The following MPP7 variants were observed in gnomAD, a reference collection of about 807,000 sequenced individuals.
The protein encoded by MPP7 is MAGUK p55 subfamily member 7.
Under a neutral mutation model 76.5 loss-of-function variants are expected in MPP7, and 60 were observed. That is an observed-to-expected ratio of 0.78 (90% confidence interval 0.64 to 0.97). MPP7 has a LOEUF of 0.97. MPP7 is among the 50% of genes least tolerant of loss of function. MPP7 has a pLI of 0.00. For synonymous variants in MPP7, 237 were observed against 244.5 expected, an observed-to-expected ratio of 0.97 and a Z score of 0.29; for missense variants, 641 against 694.0, an observed-to-expected ratio of 0.92 and a Z score of 0.86.
chr10:28,087,257 A>G (rs1462730343), intron 12 of MPP7, among the ~76,000 whole-genome samples: 1 of 152,230 alleles, frequency 6.6e-6, no homozygotes, highest in Non-Finnish European at 1.5e-5. Flanking sequence ...AAGTCAAAGC[A>G]GCATGAGGCC....
At chr10:28,145,840 T>G (rs1835686326) in intron 5 of MPP7, among the ~76,000 whole-genome samples, 1 of 152,168 alleles carries the variant, frequency 6.6e-6, no homozygotes, top group South Asian at 2.1e-4. Context: ...ATTTAACTAA[T>G]TATTATAAAA....
At chr10:28,222,555 AT>A (rs1838546329) in intron 2 of MPP7, among the ~76,000 whole-genome samples, 1 of 151,994 alleles carries the variant, frequency 6.6e-6, no homozygotes, top group Admixed American at 6.6e-5. Context: ...GAATATTACA[AT>A]TTTTAAAACC....
intron 1 of MPP7, among the ~76,000 whole-genome samples, chr10:28,294,396 T>A (rs1269856350): frequency 2.0e-5 from 3 of 152,202 alleles, no homozygotes; most frequent in Non-Finnish European, 2.9e-5. Context: ...GTACTTCCTG[T>A]CATTCAGCTC....
chr10:28,086,713 A>T (rs1045656292), intron 12 of MPP7, among the ~76,000 whole-genome samples: 10 of 152,150 alleles, frequency 6.6e-5, no homozygotes, highest in Admixed American at 5.2e-4. Flanking sequence ...AGTTTTGAGG[A>T]GGCTGATTAA....
intron 12 of MPP7, among the ~76,000 whole-genome samples, chr10:28,076,324 T>C (rs995491301): frequency 2.0e-5 from 3 of 152,164 alleles, no homozygotes; most frequent in African/African-American, 7.2e-5. Context: ...GCGAAAGACA[T>C]AAGTGCTTAT....
At chr10:28,161,788 C>CA (rs1313804715) in intron 3 of MPP7, among the ~76,000 whole-genome samples, 1 of 152,118 alleles carries the variant, frequency 6.6e-6, no homozygotes, top group African/African-American at 2.4e-5. Context: ...AATTCTAATT[C>CA]AAATAGATTC....
chr10:28,083,134 T>G (rs940164245), intron 12 of MPP7, among the ~76,000 whole-genome samples: 1 of 152,196 alleles, frequency 6.6e-6, no homozygotes, highest in South Asian at 2.1e-4. Flanking sequence ...TCTCTCATCT[T>G]CTATATTATC....
At chr10:28,271,351 C>T (rs1176001988) in intron 1 of MPP7, among the ~76,000 whole-genome samples, 4 of 152,130 alleles carry the variant, frequency 2.6e-5, no homozygotes, top group African/African-American at 7.2e-5. Flanking sequence ...GGAGTATTAG[C>T]CATTGCAACA....
chr10:28,312,424 C>T (rs940321792), intron 2 of MPP7, among the ~76,000 whole-genome samples: 2 of 152,146 alleles, frequency 1.3e-5, no homozygotes, highest in Non-Finnish European at 2.9e-5. Flanking sequence ...ATCCTAGCTA[C>T]AGGGTGCTGA....
At chr10:28,175,520 T>TTA (rs1171784034) in intron 3 of MPP7, among the ~76,000 whole-genome samples, 5 of 152,128 alleles carry the variant, frequency 3.3e-5, no homozygotes, top group Admixed American at 1.3e-4. Context: ...GGAAAACTGA[T>TTA]ACTAAACAGT....
chr10:28,091,381 G>A (rs1853294450), intron 11 of MPP7, among the ~76,000 whole-genome samples: 1 of 150,270 alleles, frequency 6.7e-6, no homozygotes, highest in Admixed American at 6.7e-5. Context: ...TCCGCCTCCT[G>A]GGTTGAAGTG....
intron 13 of MPP7, among the ~76,000 whole-genome samples, chr10:28,064,497 A>G (rs1464259128): frequency 6.6e-6 from 1 of 152,212 alleles, no homozygotes; most frequent in East Asian, 1.9e-4. Context: ...TTTGAGATGG[A>G]AACATTCATT....
intron 11 of MPP7, among the ~76,000 whole-genome samples, chr10:28,116,966 CTAGAGCTCTAGCACAAATA>C (rs1241110927): frequency 6.6e-6 from 1 of 152,030 alleles, no homozygotes; most frequent in East Asian, 1.9e-4. Flanking sequence ...GAGCCAAGAA[CTAGAGCTCTAGCACAAATA>C]TAAGTGCAAA....
At chr10:28,063,971 G>A (rs1851895025) in intron 13 of MPP7, among the ~76,000 whole-genome samples, 1 of 152,178 alleles carries the variant, frequency 6.6e-6, no homozygotes, top group South Asian at 2.1e-4. Flanking sequence ...AGCACCTGGA[G>A]CTCACATACG....
intron 3 of MPP7, among the ~76,000 whole-genome samples, chr10:28,155,561 A>G (rs2997202): frequency 0.7 from 102,953 of 147,868 alleles, 37,029 homozygotes; most frequent in Middle Eastern, 0.83. Flanking sequence ...TTGTGCCACC[A>G]CACTCCAGCC....
chr10:28,127,273 T>G (rs1835046737), intron 6 of MPP7, among the ~76,000 whole-genome samples: 1 of 152,196 alleles, frequency 6.6e-6, no homozygotes, highest in African/African-American at 2.4e-5. Flanking sequence ...CAAGGCACCG[T>G]TCTAAGGGCT....
At chr10:28,089,305 C>T (rs2133446169) in intron 12 of MPP7, among the ~76,000 whole-genome samples, 1 of 152,258 alleles carries the variant, frequency 6.6e-6, no homozygotes. Flanking sequence ...GGTCTAAATG[C>T]CATCTGAAGC....
intron 2 of MPP7, among the ~76,000 whole-genome samples, chr10:28,225,431 G>C (rs572510651): frequency 6.6e-6 from 1 of 152,280 alleles, no homozygotes; most frequent in South Asian, 2.1e-4. Context: ...AATGTGGTAA[G>C]TGTTTAATAT....
intron 1 of MPP7, among the ~76,000 whole-genome samples, chr10:28,284,612 T>C (rs1296860766): frequency 6.6e-6 from 1 of 152,202 alleles, no homozygotes. Flanking sequence ...GAAAACTTTA[T>C]CTTATTGTCT....
Sources: gnomAD v4.1 joint callset for allele counts (sites outside exome capture counted in the v4.1 genomes callset) on GRCh38, gnomAD v4.1.1 for gene constraint, MANE v1.5 for transcripts, NCBI Gene and HGNC (gene_info 2026-07-23, HGNC 2026-07-21) for gene names.